Variants in EFL1 observed in about 807,000 individuals in gnomAD.
The protein encoded by EFL1 is elongation factor-like GTPase 1.
Under a neutral mutation model 126.7 loss-of-function variants are expected in EFL1, and 76 were observed. The observed-to-expected ratio is 0.60, with a 90% CI of 0.50 to 0.73. EFL1 has a LOEUF of 0.73. Among genes scored for constraint, EFL1 ranks in the 30% least tolerant of loss-of-function variants. The probability of loss-of-function intolerance (pLI) is 0.00; values close to 1 mark genes in which losing one functional copy is unlikely to be tolerated. For missense variants in EFL1, 1,128 were observed against 1,343.2 expected, an observed-to-expected ratio of 0.84 and a Z score of 2.50; for synonymous variants, 410 against 448.4, an observed-to-expected ratio of 0.91 and a Z score of 1.08.
chr15:82,158,821 G>A (rs2073993629), intron 16 of EFL1, among the ~76,000 whole-genome samples: 1 of 152,160 alleles, frequency 6.6e-6, no homozygotes, highest in African/African-American at 2.4e-5. Flanking sequence ...CACTAACAAT[G>A]TGCCAGACAA....
chr15:82,157,236 C>T (rs1425119237), intron 17 of EFL1, among the ~76,000 whole-genome samples: 1 of 152,108 alleles, frequency 6.6e-6, no homozygotes, highest in Non-Finnish European at 1.5e-5. Context: ...CATACATTAT[C>T]TTTGGAACAA....
chr15:82,191,244 G>C (rs567963635), intron 15 of EFL1, among the ~76,000 whole-genome samples: 34 of 152,142 alleles, frequency 2.2e-4, no homozygotes, highest in Non-Finnish European at 4.1e-4. Context: ...TGAAATCTTT[G>C]GGGCTACTAA....
intron 3 of EFL1, among the ~76,000 whole-genome samples, chr15:82,257,466 C>G (rs2075076243): frequency 6.6e-6 from 1 of 152,066 alleles, no homozygotes; most frequent in Non-Finnish European, 1.5e-5. Context: ...AGGAACATTA[C>G]CAGGTCAAAA....
intron 15 of EFL1, among the ~76,000 whole-genome samples, chr15:82,168,925 G>A (rs984529311): frequency 6.6e-6 from 1 of 152,076 alleles, no homozygotes; most frequent in Non-Finnish European, 1.5e-5. Flanking sequence ...AAATATGCTG[G>A]CTTACTATCT....
chr15:82,216,517 A>G (rs1307652828), intron 14 of EFL1, among the ~76,000 whole-genome samples: 1 of 152,192 alleles, frequency 6.6e-6, no homozygotes, highest in Non-Finnish European at 1.5e-5. Flanking sequence ...AGAGACAACC[A>G]GAAAAAAATA....
intron 15 of EFL1, among the ~76,000 whole-genome samples, chr15:82,193,217 G>A (rs1379401762): frequency 2.6e-5 from 4 of 152,092 alleles, no homozygotes; most frequent in Non-Finnish European, 4.4e-5. Context: ...CCTGAAAATG[G>A]AACAGTTAAC....
chr15:82,241,976 T>C (rs62012051), intron 4 of EFL1, among the ~76,000 whole-genome samples: 38,519 of 152,100 alleles, frequency 0.25, 5,310 homozygotes, highest in Non-Finnish European at 0.31. Context: ...TCTCCTTCAA[T>C]AGTCTCAACA....
intron 15 of EFL1, among the ~76,000 whole-genome samples, chr15:82,175,010 T>C (rs1275135170): frequency 1.3e-5 from 2 of 152,258 alleles, no homozygotes; most frequent in Admixed American, 6.5e-5. Context: ...ATTTATTTCA[T>C]TAAGTGTCTA....
intron 15 of EFL1, among the ~76,000 whole-genome samples, chr15:82,193,215 T>C (rs1211324043): frequency 6.6e-6 from 1 of 152,124 alleles, no homozygotes; most frequent in African/African-American, 2.4e-5. Context: ...ATCCTGAAAA[T>C]GGAACAGTTA....
At chr15:82,157,623 C>T (rs751644264) in intron 17 of EFL1, 90 bp downstream of exon 17, 535 of 1,394,286 alleles carry the variant, frequency 3.8e-4, no homozygotes, top group Admixed American at 5.1e-4. Flanking sequence ...AAAAATAAGC[C>T]GCAGTCTAAG....
chr15:82,199,264 T>C (rs928147491), intron 15 of EFL1, among the ~76,000 whole-genome samples: 7 of 152,144 alleles, frequency 4.6e-5, no homozygotes, highest in Middle Eastern at 3.2e-3. Flanking sequence ...CCCAGGTATA[T>C]TAGAATTAAC....
At chr15:82,214,524 G>A (rs1388285014) in intron 15 of EFL1, among the ~76,000 whole-genome samples, 193 bp downstream of exon 15, 5 of 152,052 alleles carry the variant, frequency 3.3e-5, no homozygotes, top group East Asian at 1.9e-4. Flanking sequence ...TTAAAACAGA[G>A]CGACTATAAT....
chr15:82,138,431 T>TGTGTGC (rs1491353760), intron 19 of EFL1, among the ~76,000 whole-genome samples: 1 of 25,032 alleles, frequency 4.0e-5, no homozygotes, highest in Non-Finnish European at 9.3e-5. Flanking sequence ...AGAGAGTGTA[T>TGTGTGC]GTGTGTGTGT....
At chr15:82,177,907 T>C (rs952605584) in intron 15 of EFL1, among the ~76,000 whole-genome samples, 9 of 152,164 alleles carry the variant, frequency 5.9e-5, no homozygotes, top group African/African-American at 2.2e-4. Flanking sequence ...AGGAAAATAA[T>C]GTGAAAGTTA....
intron 15 of EFL1, among the ~76,000 whole-genome samples, chr15:82,208,447 T>G (rs1306710446): frequency 6.6e-6 from 1 of 152,138 alleles, no homozygotes; most frequent in Non-Finnish European, 1.5e-5. Context: ...TTTAAGTAAG[T>G]GAATGTACCT....
At chr15:82,227,324 C>T in intron 11 of EFL1, 126 bp downstream of exon 11, 1 of 1,411,322 alleles carries the variant, frequency 7.1e-7, no homozygotes, top group South Asian at 1.3e-5. Flanking sequence ...AACTGTTCAT[C>T]TGTGGAAGTG....
intron 15 of EFL1, among the ~76,000 whole-genome samples, chr15:82,210,601 C>T (rs1428415212): frequency 6.6e-6 from 1 of 151,760 alleles, no homozygotes; most frequent in African/African-American, 2.4e-5. Context: ...GTGGCTCATG[C>T]CTGTAATCCC....
chr15:82,131,913 TAA>T (rs1023043214), intron 19 of EFL1, among the ~76,000 whole-genome samples: 1 of 150,790 alleles, frequency 6.6e-6, no homozygotes, highest in Non-Finnish European at 1.5e-5. Flanking sequence ...AGATGGAGAT[TAA>T]AAAAAAAGTC....
chr15:82,242,017 T>C (rs1310052702), intron 4 of EFL1, among the ~76,000 whole-genome samples: 1 of 152,210 alleles, frequency 6.6e-6, no homozygotes, highest in Non-Finnish European at 1.5e-5. Context: ...AGTAGGGTGA[T>C]GACACATCCT....
Sources: allele counts gnomAD v4.1 joint callset (sites outside exome capture counted in the v4.1 genomes callset), GRCh38; gene constraint gnomAD v4.1.1; transcripts MANE v1.5; gene names NCBI Gene and HGNC (gene_info 2026-07-23, HGNC 2026-07-21).